The following CREB3L2 variants were observed in gnomAD, a reference collection of about 807,000 sequenced individuals.
CREB3L2 encodes the protein cyclic AMP-responsive element-binding protein 3-like protein 2.
A neutral mutation model predicts 57.2 loss-of-function variants in CREB3L2; 23 were observed. That is an observed-to-expected ratio of 0.40 (90% confidence interval 0.29 to 0.57). CREB3L2 has a LOEUF of 0.57. Ranked by LOEUF, CREB3L2 falls within the 20% of genes least tolerant of loss-of-function variation. The pLI is 0.42. For synonymous variants in CREB3L2, 268 were observed against 265.1 expected, an observed-to-expected ratio of 1.01 and a Z score of -0.11; for missense variants, 628 against 634.7, an observed-to-expected ratio of 0.99 and a Z score of 0.11.
At chr7:137,896,966 G>A (rs1272106103) in intron 8 of CREB3L2, among the ~76,000 whole-genome samples, 2 of 152,184 alleles carry the variant, frequency 1.3e-5, no homozygotes, top group Non-Finnish European at 1.5e-5. Flanking sequence ...ACTGGAAGTG[G>A]GAGAACTGGT....
Position 137,880,537 on chromosome 7 carries a change from A to G in CREB3L2, c.1502T>C (p.Leu501Pro), listed in dbSNP as rs202085147. Residue 501 changes from leucine to proline, a missense_variant, in exon 12 of 12, where the codon CTG becomes CCG. Leu to Pro is a moderately conservative substitution (Grantham distance 98). Around this residue, in one of 3 missense-constraint regions of CREB3L2, gnomAD observed 272 missense variants for 242.7 expected, o/e 1.12. Transcript: ENST00000330387. This position sits in a 1 kb window ranked among gnomAD's most constrained non-coding sequence, Gnocchi z 4.0. ...ELQQHLVSAK[L>P]EGNETLKVVE... ...AACTTTTAGTGTTTCATTCCCCTCC[A>G]GTTTGGCGCTGACCCTGTGAAGGCA... is the stretch of plus-strand genomic sequence containing the variant. The G allele has an allele frequency of 1.9e-5, 30 of 1,613,750 alleles. No individual in the cohort carries two copies. The highest frequency in any genetic ancestry group is 2.4e-5 in the Non-Finnish European group (28 of 1,179,846).
In CREB3L2 at chr7:137,972,695, A is replaced by ACAAAAC. The variant is rs1801528279; in HGVS notation, c.102+28908_102+28909insGTTTTG. On this transcript the variant is annotated intron_variant, in intron 1 of 11. Coordinates refer to ENST00000330387, the MANE Select transcript of CREB3L2 (RefSeq NM_194071.4). ...GATCCCCGTCTCTACAAAAAAAAAAAAAAAAAAAAAAAAAAAAATATATAT... is the reference window on the plus strand; with the variant it reads ...GATCCCCGTCTCTACAAAAAAAAAAACAAAACAAAAAAAAAAAAAAAAAATATATAT... Among the ~76,000 whole-genome samples, 14 of 36,740 alleles carry ACAAAAC rather than the reference A, an allele frequency of 3.8e-4. 2 individuals carry two copies. The Admixed American group carries it at 3.8e-3, about 10-fold the overall frequency. 24.1% of individuals were successfully genotyped at this position (36,740 alleles called of 152,430 possible).
chr7:137,941,609 T>C (rs949933138), intron 1 of CREB3L2, among the ~76,000 whole-genome samples: 5 of 152,218 alleles, frequency 3.3e-5, no homozygotes, highest in African/African-American at 1.2e-4. Context: ...GGCTTTCTGT[T>C]ATCCCACATT....
chr7:137,993,526 T>C (rs1362864938), intron 1 of CREB3L2, among the ~76,000 whole-genome samples: 1 of 152,228 alleles, frequency 6.6e-6, no homozygotes, highest in Non-Finnish European at 1.5e-5. Context: ...TGCTCATTTA[T>C]TTATTTATTT....
At chr7:137,991,800 CG>C in intron 1 of CREB3L2, among the ~76,000 whole-genome samples, 1 of 151,574 alleles carries the variant, frequency 6.6e-6, no homozygotes. Flanking sequence ...CCCAGCTACT[CG>C]GGAGACTGAG....
chr7:137,908,126 T>C, intron 5 of CREB3L2, 126 bp downstream of exon 5: 3 of 624,156 alleles, frequency 4.8e-6, no homozygotes, highest in Non-Finnish European at 7.2e-6. Context: ...GCTTTCGCCA[T>C]TAAGCAGAAA....
chr7:137,979,624 G>A (rs1801677314), intron 1 of CREB3L2, among the ~76,000 whole-genome samples: 1 of 152,194 alleles, frequency 6.6e-6, no homozygotes, highest in South Asian at 2.1e-4. Context: ...TACTCGGGAG[G>A]CTGAGGCAGG....
intron 1 of CREB3L2, among the ~76,000 whole-genome samples, chr7:137,956,415 G>A (rs1801211907): frequency 6.6e-6 from 1 of 152,146 alleles, no homozygotes; most frequent in Non-Finnish European, 1.5e-5. Flanking sequence ...TGTTAGCAGT[G>A]GACAGTAATA....
chr7:137,961,726 CA>C (rs1801326993), intron 1 of CREB3L2, among the ~76,000 whole-genome samples: 2 of 152,150 alleles, frequency 1.3e-5, no homozygotes, highest in Non-Finnish European at 2.9e-5. Context: ...CCGGGGGGCA[CA>C]CCTCACAAGA....
intron 1 of CREB3L2, among the ~76,000 whole-genome samples, chr7:137,974,175 G>A (rs921161050): frequency 2.6e-5 from 4 of 152,100 alleles, no homozygotes; most frequent in African/African-American, 7.2e-5. Context: ...GAGGTACAAC[G>A]GTGATGAAAA....
At chr7:137,897,061 A>T (rs991337525) in intron 8 of CREB3L2, among the ~76,000 whole-genome samples, 1 of 152,300 alleles carries the variant, frequency 6.6e-6, no homozygotes, top group Non-Finnish European at 1.5e-5. Flanking sequence ...AAAATGCCAT[A>T]TTATATACTA....
intron 1 of CREB3L2, among the ~76,000 whole-genome samples, chr7:137,937,363 G>A (rs1475885674): frequency 1.3e-5 from 2 of 152,174 alleles, no homozygotes; most frequent in Non-Finnish European, 2.9e-5. Flanking sequence ...CTCAGGCAGG[G>A]AGGAGCTGCC....
At chr7:137,919,650 T>C (rs118017800) in intron 2 of CREB3L2, among the ~76,000 whole-genome samples, 1,897 of 152,276 alleles carry the variant, frequency 0.012, 26 homozygotes, top group Non-Finnish European at 0.022. Flanking sequence ...GACAAAACAC[T>C]GAAAATAACC....
At position 138,001,482 on chromosome 7, in the gene CREB3L2, T is replaced by C. The variant is rs2117342602; in HGVS notation, c.102+122A>G. The C allele has an allele frequency of 1.5e-6, 1 of 672,266 alleles. No homozygotes were observed. The highest frequency in any genetic ancestry group is 2.9e-5 in the East Asian group (1 of 34,448). The allele number at this position is 672,266 out of a possible 1,614,324, so 41.6% of individuals were successfully genotyped here. A position where few individuals can be genotyped will look rare whatever the true frequency, so the allele number is the denominator to read the frequency against. ...TAAAGTACACCTCGCCCAGGACCTCTTGATTCTGACCATGCCCTGCCCCAA... is the reference window on the plus strand; with the variant it reads ...TAAAGTACACCTCGCCCAGGACCTCCTGATTCTGACCATGCCCTGCCCCAA... On this transcript the variant is annotated intron_variant, in intron 1 of 11. Coordinates refer to ENST00000330387, the MANE Select transcript of CREB3L2 (RefSeq NM_194071.4). The surrounding 1 kb of genome is among the most constrained non-coding windows in gnomAD (Gnocchi z 4.2).
Position 137,905,830 on chromosome 7 carries a change from G to GGCCT in CREB3L2, c.783_786dup (p.Pro263ArgfsTer16), listed in dbSNP as rs1427308173. The stretch of plus-strand genomic sequence containing the variant: ...TTCTCCTCCTCTGTCAGGACCAGAG[G>GGCCT]GCCTGATCCCTGCAGTTTCTGTGCA... On this transcript the variant is annotated frameshift_variant, in exon 6 of 12. Coordinates refer to ENST00000330387, the MANE Select transcript of CREB3L2 (RefSeq NM_194071.4). LOFTEE classifies it high-confidence loss of function. 1 of 1,612,668 alleles carries GGCCT rather than the reference G, an allele frequency of 6.2e-7. No individual in the cohort carries two copies.
intron 8 of CREB3L2, among the ~76,000 whole-genome samples, chr7:137,899,634 C>T (rs1293279861): frequency 6.6e-6 from 1 of 152,218 alleles, no homozygotes; most frequent in Non-Finnish European, 1.5e-5. Flanking sequence ...GTGAAACCAG[C>T]TCCCTTGCCT....
intron 8 of CREB3L2, among the ~76,000 whole-genome samples, chr7:137,886,744 T>C (rs1799428430): frequency 6.7e-6 from 1 of 148,814 alleles, no homozygotes; most frequent in African/African-American, 2.5e-5. Flanking sequence ...AAAGGAGACG[T>C]TTTATCCCTA....
chr7:137,923,086 T>G (rs1800371636), intron 2 of CREB3L2, among the ~76,000 whole-genome samples: 1 of 152,208 alleles, frequency 6.6e-6, no homozygotes, highest in African/African-American at 2.4e-5. Context: ...TTGAATGGCA[T>G]GAAGAGGTGG....
intron 1 of CREB3L2, among the ~76,000 whole-genome samples, chr7:137,990,838 G>C (rs1801880451): frequency 6.6e-6 from 1 of 152,114 alleles, no homozygotes; most frequent in Admixed American, 6.5e-5. Context: ...ACATTTCCAA[G>C]ATATGAAATG....
Sources: allele counts gnomAD v4.1 joint callset (sites outside exome capture counted in the v4.1 genomes callset), GRCh38; gene constraint gnomAD v4.1.1; regional missense constraint gnomAD v4.1.1; non-coding constraint Gnocchi (gnomAD v3.1); transcripts MANE v1.5; gene names NCBI Gene and HGNC (gene_info 2026-07-23, HGNC 2026-07-21).